Variants in CCDC141 observed in about 807,000 individuals in gnomAD.
CCDC141 encodes coiled-coil domain containing 141.
A neutral mutation model predicts 181.0 loss-of-function variants in CCDC141; 168 were observed. The observed-to-expected ratio is 0.93, with a 90% CI of 0.82 to 1.05. CCDC141 has a LOEUF of 1.05. CCDC141 is among the 50% of genes least tolerant of loss of function. CCDC141 has a pLI of 0.00. For synonymous variants in CCDC141, 666 were observed against 642.3 expected (o/e 1.04, Z -0.56); for missense variants, 1,902 against 1,788.5 (o/e 1.06, Z -1.14).
downstream of CCDC141, among the ~76,000 whole-genome samples, chr2:178,827,178 T>C (rs1310029938): frequency 1.3e-5 from 2 of 152,188 alleles, no homozygotes; most frequent in East Asian, 3.8e-4. Context: ...TTGTTATTAA[T>C]TTCTTGTTTC....
intron 2 of CCDC141, among the ~76,000 whole-genome samples, chr2:179,018,907 A>C (rs549939717): frequency 6.6e-6 from 1 of 152,346 alleles, no homozygotes; most frequent in Admixed American, 6.5e-5. Flanking sequence ...ATTCATATTC[A>C]GAAAAGATAA....
intron 2 of CCDC141, among the ~76,000 whole-genome samples, chr2:178,978,882 G>A: frequency 6.6e-6 from 1 of 152,088 alleles, no homozygotes; most frequent in South Asian, 2.1e-4. Flanking sequence ...CCAGGCTAAG[G>A]GCGTTCACAT....
At position 178,888,676 on chromosome 2, in the gene CCDC141, G is replaced by T. The variant is rs1687004302; in HGVS notation, c.1266-8C>A. 1 of 1,550,250 alleles carries T rather than the reference G, an allele frequency of 6.5e-7. No homozygotes were observed. Among genetic ancestry groups the T allele is most frequent in the Admixed American group, 2.0e-5 (1 of 50,962 alleles). On this transcript the variant is annotated splice_region_variant and splice_polypyrimidine_tract_variant and intron_variant, in intron 8 of 23. Transcript: ENST00000443758. Reference sequence around the variant, plus strand: ...ATGCCGGACACCTGAGAGCTGAACAGAGCAAGCCAGCTGTTAATTCACTCC... The same window carrying T: ...ATGCCGGACACCTGAGAGCTGAACATAGCAAGCCAGCTGTTAATTCACTCC...
intron 23 of CCDC141, among the ~76,000 whole-genome samples, chr2:178,835,133 G>A (rs1684427070): frequency 6.6e-6 from 1 of 152,002 alleles, no homozygotes; most frequent in Non-Finnish European, 1.5e-5. Flanking sequence ...TGCCACTCTG[G>A]AACAGCAGCT....
At chr2:178,837,870 G>T in intron 22 of CCDC141, 126 bp from the exon 23 acceptor site, 1 of 1,060,906 alleles carries the variant, frequency 9.4e-7, no homozygotes, top group South Asian at 1.7e-5. Flanking sequence ...TTAGGGGGCT[G>T]GAGCAAGAAT....
intron 2 of CCDC141, among the ~76,000 whole-genome samples, chr2:179,012,410 C>A (rs1381233149): frequency 6.6e-6 from 1 of 151,972 alleles, no homozygotes; most frequent in Admixed American, 6.6e-5. Context: ...ACCCTCCTAC[C>A]TTAAATCAAG....
Position 178,913,742 on chromosome 2 carries a change from G to A in CCDC141, c.1092+4971C>T, listed in dbSNP as rs1252950972. On this transcript the variant is annotated intron_variant, in intron 7 of 23. Coordinates refer to ENST00000443758, the MANE Select transcript of CCDC141 (RefSeq NM_173648.4). ...GAACTACTTTTTGTGTGTTTCTTTG[G>A]CCACCCCAACTTTTGCTTCATCTTT... 2.0e-5 allele frequency among the ~76,000 whole-genome samples: 3 copies of A among 152,232 alleles called. 1 individual carries two copies. Among genetic ancestry groups the A allele is most frequent in the East Asian group, 3.9e-4 (2 of 5,180 alleles).
chr2:179,015,094 A>ATATAT (rs1559048668), intron 2 of CCDC141, among the ~76,000 whole-genome samples: 3,241 of 45,810 alleles, frequency 0.071, 187 homozygotes, highest in Middle Eastern at 0.13. Flanking sequence ...ATATATATAT[A>ATATAT]TATATATATA....
chr2:178,978,210 G>A (rs757676491), intron 3 of CCDC141, among the ~76,000 whole-genome samples: 7 of 152,030 alleles, frequency 4.6e-5, no homozygotes, highest in South Asian at 2.1e-4. Flanking sequence ...GGAAATAATC[G>A]TAATGACTTA....
At chr2:178,965,134 T>C (rs761060317) in intron 4 of CCDC141, among the ~76,000 whole-genome samples, 7 of 152,224 alleles carry the variant, frequency 4.6e-5, no homozygotes, top group Non-Finnish European at 8.8e-5. Context: ...GTCACCATCT[T>C]GGTCCTGAGA....
At chr2:179,004,155 A>G (rs982135743) in intron 2 of CCDC141, among the ~76,000 whole-genome samples, 7 of 152,184 alleles carry the variant, frequency 4.6e-5, no homozygotes, top group Non-Finnish European at 1.0e-4. Flanking sequence ...ATGTTAAAAT[A>G]AGAATGAAAT....
At position 178,834,573 on chromosome 2, in the gene CCDC141, C is replaced by T. The variant is rs1684398824; in HGVS notation, c.4326-133G>A. 3 of 977,448 alleles carry T rather than the reference C, an allele frequency of 3.1e-6. No homozygotes were observed. In the South Asian group the frequency reaches 5.3e-5, roughly 17 times the overall value. 60.5% of individuals were successfully genotyped at this position (977,448 alleles called of 1,614,324 possible). ...AGGATTAGTAGGAACCTTGTAGCCA[C>T]AACAAATTCCAGTGGGGCTCTTTAT... On this transcript the variant is annotated intron_variant, in intron 23 of 23. Coordinates refer to ENST00000443758, the MANE Select transcript of CCDC141 (RefSeq NM_173648.4).
intron 2 of CCDC141, among the ~76,000 whole-genome samples, chr2:178,994,192 C>T (rs1051908738): frequency 6.6e-6 from 1 of 152,234 alleles, no homozygotes; most frequent in Non-Finnish European, 1.5e-5. Flanking sequence ...CCACATTTCC[C>T]TTCTGCACTG....
At chr2:178,913,511 C>T (rs1038342896) in intron 7 of CCDC141, among the ~76,000 whole-genome samples, 1 of 151,898 alleles carries the variant, frequency 6.6e-6, no homozygotes, top group African/African-American at 2.4e-5. Context: ...GTTAATATCC[C>T]ATATATATCA....
At chr2:178,856,002 G>T (rs545071207) in intron 18 of CCDC141, among the ~76,000 whole-genome samples, 55 of 152,272 alleles carry the variant, frequency 3.6e-4, no homozygotes, top group African/African-American at 1.3e-3. Context: ...TGTATGTGTT[G>T]GGGAGAAGAA....
At chr2:178,842,320 A>G (rs1249829156) in intron 22 of CCDC141, among the ~76,000 whole-genome samples, 2 of 152,172 alleles carry the variant, frequency 1.3e-5, no homozygotes, top group Non-Finnish European at 2.9e-5. Context: ...AATGGCCTGC[A>G]GTCTTATCTT....
intron 8 of CCDC141, among the ~76,000 whole-genome samples, chr2:178,893,250 C>T (rs560663614): frequency 2.7e-5 from 4 of 148,504 alleles, no homozygotes; most frequent in East Asian, 2.0e-4. Context: ...AGAGCACAGA[C>T]GTATTGACTT....
At chr2:178,849,370 G>T (rs537060477) in intron 21 of CCDC141, among the ~76,000 whole-genome samples, 7 of 152,308 alleles carry the variant, frequency 4.6e-5, no homozygotes, top group Non-Finnish European at 8.8e-5. Context: ...GTATTTCAAG[G>T]CAACTGTGCT....
intron 19 of CCDC141, among the ~76,000 whole-genome samples, chr2:178,855,136 T>C (rs997183647): frequency 6.6e-6 from 1 of 152,082 alleles, no homozygotes; most frequent in Non-Finnish European, 1.5e-5. Flanking sequence ...TCAAGAGAAA[T>C]TGACCAATAA....
Sources: gnomAD v4.1 joint callset for allele counts (sites outside exome capture counted in the v4.1 genomes callset) on GRCh38, gnomAD v4.1.1 for gene constraint, MANE v1.5 for transcripts, NCBI Gene and HGNC (gene_info 2026-07-23, HGNC 2026-07-21) for gene names.